MARCHF6: variants seen among roughly 807,000 people sequenced by gnomAD.
MARCHF6 encodes the protein E3 ubiquitin-protein ligase MARCHF6.
In MARCHF6, 31 loss-of-function variants were observed where a neutral mutation model predicts 133.7. That is an observed-to-expected ratio of 0.23 (90% CI 0.17 to 0.31). The LOEUF (loss-of-function observed/expected upper bound fraction) is 0.31. Ranked by LOEUF, MARCHF6 falls within the 10% of genes least tolerant of loss-of-function variation. The pLI, the probability that MARCHF6 is intolerant of heterozygous loss-of-function variation, is 1.00. For synonymous variants in MARCHF6, 395 were observed against 402.5 expected, an observed-to-expected ratio of 0.98 and a Z score of 0.22; for missense variants, 723 against 1,121.6, an observed-to-expected ratio of 0.64 and a Z score of 5.08.
At chr5:10,370,261 C>G (rs1308824117) in intron 1 of MARCHF6, among the ~76,000 whole-genome samples, 1 of 151,558 alleles carries the variant, frequency 6.6e-6, no homozygotes, top group African/African-American at 2.4e-5. Flanking sequence ...CCATCATACC[C>G]TGCTAATTTT....
chr5:10,440,343 T>TA lies in MARCHF6; in HGVS notation c.*6660dup, dbSNP rs1740812721. 6.6e-6 allele frequency: 1 copy of TA among 152,214 alleles called. No homozygotes were observed. The highest frequency in any genetic ancestry group is 2.4e-5 in the African/African-American group (1 of 41,452). The allele number at this position is 152,214 out of a possible 1,614,324, so 9.4% of individuals were successfully genotyped here. A position where few individuals can be genotyped will look rare whatever the true frequency, so the allele number is the denominator to read the frequency against. ...TAGTTTAGTTGTGTGCTTCCAGACATACCTTCACAGAATCATTTATCACAA... is the reference window on the plus strand; with the variant it reads ...TAGTTTAGTTGTGTGCTTCCAGACATAACCTTCACAGAATCATTTATCACAA... On this transcript the variant is annotated 3_prime_UTR_variant, in exon 26 of 26. Transcript: ENST00000274140.
rs938357663 is a variant in MARCHF6, at chr5:10,378,645, T to C, written c.117-114T>C. ...TAAGAATATTCTAAATTTGAAAATT[T>C]TGAAACTAAAAGCTCTGTGATATAT... On this transcript the variant is annotated intron_variant, in intron 2 of 25. Transcript: ENST00000274140. 48 of 658,052 alleles carry C rather than the reference T, an allele frequency of 7.3e-5. No individual in the cohort carries two copies. The South Asian group carries it at 8.3e-4, about 11-fold the overall frequency. The allele number at this position is 658,052 out of a possible 1,614,324, so 40.8% of individuals were successfully genotyped here. A position where few individuals can be genotyped will look rare whatever the true frequency, so the allele number is the denominator to read the frequency against.
At chr5:10,421,620 G>A (rs2126323074) in intron 22 of MARCHF6, among the ~76,000 whole-genome samples, 1 of 152,352 alleles carries the variant, frequency 6.6e-6, no homozygotes, top group Non-Finnish European at 1.5e-5. Context: ...GGACTGCAAA[G>A]CAGTGGGTTT....
intron 3 of MARCHF6, among the ~76,000 whole-genome samples, chr5:10,380,584 C>T (rs553135249): frequency 2.0e-5 from 3 of 152,094 alleles, no homozygotes; most frequent in Admixed American, 6.6e-5. Context: ...CTCTTGTATA[C>T]CAGATATCCT....
chr5:10,411,746 C>T lies in MARCHF6; in HGVS notation c.1896+209C>T, dbSNP rs572995260. On this transcript the variant is annotated intron_variant, in intron 19 of 25. Transcript: ENST00000274140. Reference sequence around the variant, plus strand: ...AGAGTTGGGATTCCCTGGGCTCTTGCTCCCTATTTAAGAGGAAAAGACTCT... The same window carrying T: ...AGAGTTGGGATTCCCTGGGCTCTTGTTCCCTATTTAAGAGGAAAAGACTCT... Among the ~76,000 whole-genome samples the T allele has an allele frequency of 2.6e-5, 4 of 152,326 alleles. No homozygotes were observed. In the East Asian group the frequency reaches 7.7e-4, roughly 29 times the overall value.
chr5:10,383,120 T>A (rs1399017185), intron 4 of MARCHF6, among the ~76,000 whole-genome samples: 1 of 152,228 alleles, frequency 6.6e-6, no homozygotes, highest in Non-Finnish European at 1.5e-5. Context: ...TAATCTTGAT[T>A]ACCTATGGAA....
At chr5:10,426,261 T>A in intron 23 of MARCHF6, 129 bp from the exon 24 acceptor site, 2 of 1,064,888 alleles carry the variant, frequency 1.9e-6, no homozygotes, top group Non-Finnish European at 2.8e-6. Context: ...AGAATTTGCC[T>A]TGACTTTAGA....
intron 22 of MARCHF6, among the ~76,000 whole-genome samples, chr5:10,417,717 C>CAAAAAAA (rs748194332): frequency 1.1e-4 from 6 of 52,362 alleles, no homozygotes; most frequent in African/African-American, 2.3e-4. Flanking sequence ...AGCCTCTGTC[C>CAAAAAAA]AAAAAAAAAA....
chr5:10,374,935 G>T (rs1025365999), intron 1 of MARCHF6, among the ~76,000 whole-genome samples: 3 of 152,226 alleles, frequency 2.0e-5, no homozygotes, highest in Non-Finnish European at 4.4e-5. Context: ...TAGTTATTCT[G>T]TGGGTGGGGG....
In MARCHF6 at chr5:10,386,974, A is replaced by G. The variant is rs1251876512; in HGVS notation, c.335-20A>G. The G allele has an allele frequency of 3.1e-6, 5 of 1,606,972 alleles. No homozygotes were observed. In the South Asian group the frequency reaches 4.4e-5, roughly 14 times the overall value. ...ATGATGCGAGTTGTGACTGTGTGCC[A>G]TCATGCTCTTTTTCGGTAGGCCGCA... is the stretch of plus-strand genomic sequence containing the variant. On this transcript the variant is annotated intron_variant, in intron 4 of 25. Transcript: ENST00000274140.
chr5:10,395,218 GAT>G (rs1234060918), intron 9 of MARCHF6, among the ~76,000 whole-genome samples: 18 of 152,186 alleles, frequency 1.2e-4, no homozygotes, highest in Admixed American at 1.1e-3. Flanking sequence ...ATATGTTGAA[GAT>G]TGTATGTTTA....
Position 10,436,177 on chromosome 5 carries a change from T to C in MARCHF6, c.*2493T>C, listed in dbSNP as rs1254382324. On this transcript the variant is annotated 3_prime_UTR_variant, in exon 26 of 26. Transcript: ENST00000274140. ...TCAAAAGGTTAAAAATTCTTAATCC[T>C]ACAGAATTTTAAATGAATCTTATCA... The C allele has an allele frequency of 6.6e-6, 1 of 152,204 alleles. No individual in the cohort carries two copies. Among genetic ancestry groups the C allele is most frequent in the Non-Finnish European group, 1.5e-5 (1 of 68,040 alleles). 9.4% of individuals were successfully genotyped at this position (152,204 alleles called of 1,614,324 possible).
At chr5:10,360,872 T>G (rs1380456796) in intron 1 of MARCHF6, among the ~76,000 whole-genome samples, 1 of 152,190 alleles carries the variant, frequency 6.6e-6, no homozygotes. Context: ...GCCCTGTGAG[T>G]GATTATTGCT....
Position 10,435,645 on chromosome 5 carries a change from ATATATATAT to A in MARCHF6, c.*1962_*1970del, listed in dbSNP as rs1740582595. 16 of 2,132 alleles carry A rather than the reference ATATATATAT, an allele frequency of 7.5e-3. 1 individual carries two copies. Among genetic ancestry groups the A allele is most frequent in the African/African-American group, 0.016 (16 of 976 alleles). The allele number at this position is 2,132 out of a possible 1,614,324, so 0.1% of individuals were successfully genotyped here. A position where few individuals can be genotyped will look rare whatever the true frequency, so the allele number is the denominator to read the frequency against. On this transcript the variant is annotated 3_prime_UTR_variant, in exon 26 of 26. Transcript: ENST00000274140. ...TAACTATATAACTATATAACTATAT[ATATATATAT>A]ATATATATATATATATATATATATA...
chr5:10,407,720 G>A (rs149857177), intron 17 of MARCHF6, among the ~76,000 whole-genome samples: 4 of 152,332 alleles, frequency 2.6e-5, no homozygotes, highest in Non-Finnish European at 2.9e-5. Context: ...TTGGGAAGCC[G>A]AGGCAGGCGG....
chr5:10,381,336 G>T (rs1424085688), intron 3 of MARCHF6, among the ~76,000 whole-genome samples: 1 of 152,252 alleles, frequency 6.6e-6, no homozygotes, highest in East Asian at 1.9e-4. Context: ...GCTCCCACAT[G>T]AAATGATCTG....
At chr5:10,412,261 CTG>C (rs906019474) in intron 19 of MARCHF6, among the ~76,000 whole-genome samples, 1 of 152,160 alleles carries the variant, frequency 6.6e-6, no homozygotes, top group African/African-American at 2.4e-5. Context: ...TTTTCAGTGT[CTG>C]TGAGGATATA....
intron 10 of MARCHF6, among the ~76,000 whole-genome samples, chr5:10,398,664 G>A (rs2126752436): frequency 6.6e-6 from 1 of 151,686 alleles, no homozygotes; most frequent in African/African-American, 2.4e-5. Context: ...CTAAATTAAT[G>A]TTTGGAGAAC....
At chr5:10,359,491 A>G (rs1392736574) in intron 1 of MARCHF6, among the ~76,000 whole-genome samples, 9 of 152,224 alleles carry the variant, frequency 5.9e-5, no homozygotes, top group Non-Finnish European at 4.4e-5. Context: ...CGCAATACAT[A>G]TAATACAGTT....
Sources: gnomAD v4.1 joint callset for allele counts (sites outside exome capture counted in the v4.1 genomes callset) on GRCh38, gnomAD v4.1.1 for gene constraint, MANE v1.5 for transcripts, NCBI Gene and HGNC (gene_info 2026-07-23, HGNC 2026-07-21) for gene names.